DLC1: variants seen among roughly 807,000 people sequenced by gnomAD.
DLC1 encodes rho GTPase-activating protein 7.
Under a neutral mutation model 140.3 loss-of-function variants are expected in DLC1, and 54 were observed. The ratio of observed to expected loss-of-function variants is 0.38; its 90% CI spans 0.31 to 0.48. DLC1 has a LOEUF of 0.48. Ranked by LOEUF, DLC1 falls within the 20% of genes least tolerant of loss-of-function variation. DLC1 has a pLI of 0.96. For synonymous variants in DLC1, 986 were observed against 728.1 expected, an observed-to-expected ratio of 1.35 and a Z score of -5.70; for missense variants, 2,536 against 1,907.0, an observed-to-expected ratio of 1.33 and a Z score of -6.14.
chr8:13,407,740 T>A (rs140388091), intron 2 of DLC1, among the ~76,000 whole-genome samples: 1 of 152,302 alleles, frequency 6.6e-6, no homozygotes, highest in East Asian at 1.9e-4. Context: ...CCCTATGCTG[T>A]CTTCAATTCC....
At position 13,083,828 on chromosome 8, in the gene DLC1, A is replaced by T. The variant is rs1327649765; in HGVS notation, c.*1983T>A. ...TTTCCTTCAGCAAATCGCTCTTTTG[A>T]TTGTAGTTGATGCTAAAATGCTATG... On this transcript the variant is annotated 3_prime_UTR_variant, in exon 18 of 18. Transcript: ENST00000276297. 6.6e-6 allele frequency: 1 copy of T among 152,456 alleles called. No homozygotes were observed. The highest frequency in any genetic ancestry group is 1.5e-5 in the Non-Finnish European group (1 of 68,026). The allele number at this position is 152,456 out of a possible 1,614,324, so 9.4% of individuals were successfully genotyped here.
At chr8:13,559,465 A>AT (rs1035059020) in intron 1 of DLC1, 1 of 152,206 alleles carries the variant, frequency 6.6e-6, no homozygotes, top group African/African-American at 2.4e-5. Flanking sequence ...GGGCAGGGTG[A>AT]TATTTTTATG....
intron 2 of DLC1, among the ~76,000 whole-genome samples, chr8:13,437,092 C>T (rs1470659829): frequency 6.6e-6 from 1 of 152,214 alleles, no homozygotes; most frequent in African/African-American, 2.4e-5. Context: ...TCTACTTTCT[C>T]CTCAATATTT....
intron 5 of DLC1, among the ~76,000 whole-genome samples, chr8:13,231,701 A>G (rs1475428260): frequency 1.2e-4 from 18 of 152,220 alleles, no homozygotes; most frequent in Admixed American, 1.2e-3. Flanking sequence ...AGACTGAGAT[A>G]TTTGTCTAAA....
At chr8:13,539,391 G>A (rs572472594) in intron 1 of DLC1, among the ~76,000 whole-genome samples, 8 of 151,990 alleles carry the variant, frequency 5.3e-5, no homozygotes, top group African/African-American at 1.9e-4. Context: ...TGGTAGAGAC[G>A]GGGTTTCATC....
At chr8:13,483,652 G>T (rs1800840575) in intron 2 of DLC1, among the ~76,000 whole-genome samples, 1 of 152,162 alleles carries the variant, frequency 6.6e-6, no homozygotes, top group Admixed American at 6.5e-5. Flanking sequence ...TTGCTGTAAA[G>T]TATGGGATGA....
At chr8:13,530,092 T>C (rs1039940068) in intron 1 of DLC1, among the ~76,000 whole-genome samples, 1 of 152,132 alleles carries the variant, frequency 6.6e-6, no homozygotes, top group African/African-American at 2.4e-5. Context: ...GTAATGACTT[T>C]TGGGAGTTAT....
At chr8:13,580,983 C>T (rs1563455374) in intron 1 of DLC1, among the ~76,000 whole-genome samples, 1 of 152,180 alleles carries the variant, frequency 6.6e-6, no homozygotes, top group Non-Finnish European at 1.5e-5. Flanking sequence ...AGGGGTACCC[C>T]AGCTTTCTTA....
intron 5 of DLC1, among the ~76,000 whole-genome samples, chr8:13,230,364 A>T (rs1269353723): frequency 2.0e-5 from 3 of 152,184 alleles, no homozygotes; most frequent in African/African-American, 7.2e-5. Context: ...TTGCTAGTTT[A>T]TTACACCTTT....
chr8:13,266,127 G>C (rs940920636), intron 5 of DLC1, among the ~76,000 whole-genome samples: 1 of 151,982 alleles, frequency 6.6e-6, no homozygotes, highest in Admixed American at 6.5e-5. Context: ...AACAAAAAAA[G>C]GAAGAAAAAA....
At chr8:13,284,552 A>G (rs1301899995) in intron 5 of DLC1, among the ~76,000 whole-genome samples, 1 of 150,898 alleles carries the variant, frequency 6.6e-6, no homozygotes. Context: ...AAAAATAAAA[A>G]TAAAGATAAC....
chr8:13,453,536 A>G (rs1345125270), intron 2 of DLC1, among the ~76,000 whole-genome samples: 1 of 52,164 alleles, frequency 1.9e-5, no homozygotes, highest in East Asian at 4.6e-4. Flanking sequence ...ATGTATATAT[A>G]TACATATATA....
chr8:13,470,516 T>G (rs1206988322), intron 2 of DLC1, among the ~76,000 whole-genome samples: 1 of 152,160 alleles, frequency 6.6e-6, no homozygotes, highest in Non-Finnish European at 1.5e-5. Context: ...TATTAAGAGG[T>G]GCTTGCCATC....
chr8:13,585,834 A>C (rs1015495888), intron 1 of DLC1, among the ~76,000 whole-genome samples: 4 of 152,214 alleles, frequency 2.6e-5, no homozygotes, highest in African/African-American at 9.6e-5. Context: ...GTATTAAAGA[A>C]CTTGATTACC....
intron 5 of DLC1, among the ~76,000 whole-genome samples, chr8:13,275,457 A>C (rs1236985046): frequency 6.6e-6 from 1 of 152,218 alleles, no homozygotes; most frequent in South Asian, 2.1e-4. Flanking sequence ...ATCCATGTAG[A>C]CGGCATAGGA....
At chr8:13,157,244 A>G (rs571790995) in intron 5 of DLC1, among the ~76,000 whole-genome samples, 2 of 152,336 alleles carry the variant, frequency 1.3e-5, no homozygotes, top group East Asian at 3.9e-4. Flanking sequence ...CTATGACATT[A>G]AGGACTCAAA....
At chr8:13,119,939 A>T (rs1820897071) in intron 5 of DLC1, among the ~76,000 whole-genome samples, 1 of 151,666 alleles carries the variant, frequency 6.6e-6, no homozygotes, top group African/African-American at 2.4e-5. Flanking sequence ...CTTATAAAAA[A>T]ATTTTTAAAA....
intron 2 of DLC1, among the ~76,000 whole-genome samples, chr8:13,472,836 C>T (rs1017998705): frequency 1.3e-5 from 2 of 152,122 alleles, no homozygotes; most frequent in African/African-American, 4.8e-5. Context: ...AGTATATAGC[C>T]ATTATAAATT....
At chr8:13,215,796 A>AT (rs926470289) in intron 5 of DLC1, among the ~76,000 whole-genome samples, 9 of 152,202 alleles carry the variant, frequency 5.9e-5, no homozygotes, top group Admixed American at 5.2e-4. Flanking sequence ...AACCACATAT[A>AT]TTTTTCACTC....
Sources: gnomAD v4.1 joint callset for allele counts (sites outside exome capture counted in the v4.1 genomes callset) on GRCh38, gnomAD v4.1.1 for gene constraint, MANE v1.5 for transcripts, NCBI Gene and HGNC (gene_info 2026-07-23, HGNC 2026-07-21) for gene names.